Variants in OPRM1 observed in about 807,000 individuals in gnomAD.
OPRM1 encodes the protein mu-type opioid receptor.
A neutral mutation model predicts 31.8 loss-of-function variants in OPRM1; 27 were observed. The observed-to-expected ratio is 0.85, with a 90% CI of 0.63 to 1.17. The LOEUF is 1.17. Among genes scored for constraint, OPRM1 ranks in the 50% most tolerant of loss-of-function variants. The probability of loss-of-function intolerance (pLI) is 0.00; values close to 1 mark genes in which losing one functional copy is unlikely to be tolerated. For synonymous variants in OPRM1, 196 were observed against 189.9 expected (o/e 1.03, Z -0.26); for missense variants, 536 against 511.1 (o/e 1.05, Z -0.47).
intron 1 of OPRM1, among the ~76,000 whole-genome samples, chr6:154,054,484 A>T (rs1339751150): frequency 1.3e-5 from 2 of 152,044 alleles, no homozygotes; most frequent in African/African-American, 4.8e-5. Context: ...TCTACCATGC[A>T]GCCAAGATCA....
intron 3 of OPRM1, chr6:154,157,728 C>T (rs981762761): frequency 6.6e-6 from 1 of 152,234 alleles, no homozygotes; most frequent in Non-Finnish European, 1.5e-5. Flanking sequence ...CACTTTATGT[C>T]ACACTGTTAT....
rs1021061437 is a variant in OPRM1, at chr6:154,091,431, C to T, written c.1123C>T (p.His375Tyr). ...STRIRQNTRD[H>Y]PSTANTVDRT... ...TCGAATTCGTCAGAACACTAGAGAC[C>T]ACCCCTCCACGGCCAATACAGTGGA... The change falls in exon 3 of 4, where the codon CAC (histidine) becomes TAC (tyrosine). Residue 375 changes from histidine (H) to tyrosine (Y), a missense_variant. Transcript: ENST00000330432. 6 of 1,613,580 alleles carry T rather than the reference C, an allele frequency of 3.7e-6. No individual in the cohort carries two copies. Among genetic ancestry groups the T allele is most frequent in the Non-Finnish European group, 5.1e-6 (6 of 1,180,030 alleles).
intron 3 of OPRM1, among the ~76,000 whole-genome samples, chr6:154,152,390 A>AAGAAAGAAAGAG (rs1360734115): frequency 1.9e-4 from 24 of 126,286 alleles, no homozygotes; most frequent in African/African-American, 3.7e-4. Context: ...GAAAGAAAGA[A>AAGAAAGAAAGAG]AGAGAAATAG....
At chr6:154,198,130 T>A (rs1776771383) in intron 3 of OPRM1, among the ~76,000 whole-genome samples, 1 of 152,186 alleles carries the variant, frequency 6.6e-6, no homozygotes, top group African/African-American at 2.4e-5. Flanking sequence ...AGGAATGCAT[T>A]CCTTTCCAAG....
chr6:154,018,328 G>A (rs146220773), intron 1 of OPRM1, among the ~76,000 whole-genome samples: 2,347 of 152,188 alleles, frequency 0.015, 75 homozygotes, highest in African/African-American at 0.053. Context: ...GCTGAGGAAC[G>A]AGAATCACTT....
At chr6:154,039,237 C>T, upstream of OPRM1, 2 of 1,551,758 alleles carry the variant, frequency 1.3e-6, no homozygotes, top group African/African-American at 1.4e-5. Context: ...CCCCTTTTCC[C>T]TCCTCCCTCC....
At chr6:154,083,612 A>T (rs1411297585) in intron 1 of OPRM1, 1 of 152,392 alleles carries the variant, frequency 6.6e-6, no homozygotes. Flanking sequence ...CAAAAGAGCG[A>T]GAGGATGTGG....
Position 154,127,642 on chromosome 6 carries a change from A to G in OPRM1, c.*8921A>G, listed in dbSNP as rs1048059901. On this transcript the variant is annotated 3_prime_UTR_variant, in exon 4 of 4. Coordinates refer to ENST00000330432, the MANE Select transcript of OPRM1 (RefSeq NM_000914.5). ...TCCCCACCCCTCGCTTTCACTAAAT[A>G]ACAACTCTCTTCTCTCCATCATTTT... is the stretch of plus-strand genomic sequence containing the variant. Among the ~76,000 whole-genome samples the G allele has an allele frequency of 6.6e-6, 1 of 152,126 alleles. No homozygotes were observed. The highest frequency in any genetic ancestry group is 2.4e-5 in the African/African-American group (1 of 41,434).
At chr6:154,132,805 C>T (rs1019440254), downstream of OPRM1, among the ~76,000 whole-genome samples, 1 of 152,132 alleles carries the variant, frequency 6.6e-6, no homozygotes, top group Non-Finnish European at 1.5e-5. Context: ...GTGGAAACGT[C>T]TCAACATGAA....
intron 3 of OPRM1, among the ~76,000 whole-genome samples, chr6:154,113,058 C>T (rs1051300883): frequency 2.0e-5 from 3 of 152,322 alleles, no homozygotes; most frequent in Non-Finnish European, 4.4e-5. Context: ...CCAAACAAAA[C>T]AGGAACAGTT....
intron 1 of OPRM1, among the ~76,000 whole-genome samples, chr6:154,026,249 G>A (rs1583142156): frequency 6.6e-6 from 1 of 151,662 alleles, no homozygotes; most frequent in East Asian, 1.9e-4. Context: ...CTTTAAATAT[G>A]TCATGCCACT....
intron 3 of OPRM1, among the ~76,000 whole-genome samples, chr6:154,178,138 G>A (rs1231862651): frequency 1.3e-5 from 2 of 151,374 alleles, no homozygotes; most frequent in Non-Finnish European, 2.9e-5. Flanking sequence ...GGGGCCTGTT[G>A]GTGGGTGGGG....
intron 3 of OPRM1, among the ~76,000 whole-genome samples, chr6:154,223,913 T>A (rs1779056616): frequency 6.6e-6 from 1 of 152,228 alleles, no homozygotes; most frequent in African/African-American, 2.4e-5. Flanking sequence ...ATAAGAAAAT[T>A]ATATTTATGA....
chr6:154,021,584 CA>C (rs1254696679), intron 1 of OPRM1, among the ~76,000 whole-genome samples: 2 of 152,066 alleles, frequency 1.3e-5, no homozygotes, highest in African/African-American at 4.8e-5. Flanking sequence ...TCTTCTTATC[CA>C]AAAACATGGA....
chr6:154,174,905 T>C (rs1800187742), intron 3 of OPRM1, among the ~76,000 whole-genome samples: 1 of 152,144 alleles, frequency 6.6e-6, no homozygotes, highest in Non-Finnish European at 1.5e-5. Flanking sequence ...ATTCTAAAGT[T>C]GACCAAATAA....
At chr6:154,025,045 T>C (rs748467874) in intron 1 of OPRM1, among the ~76,000 whole-genome samples, 4 of 152,118 alleles carry the variant, frequency 2.6e-5, no homozygotes, top group Admixed American at 6.5e-5. Flanking sequence ...ATTTGGTCTA[T>C]AGTACAGATT....
chr6:154,149,924 C>A, intron 3 of OPRM1, among the ~76,000 whole-genome samples: 1 of 152,174 alleles, frequency 6.6e-6, no homozygotes, highest in East Asian at 1.9e-4. Flanking sequence ...CTGACAGCTC[C>A]CACCTCCACA....
chr6:154,100,877 A>C (rs1246948681), intron 3 of OPRM1, among the ~76,000 whole-genome samples: 4 of 148,710 alleles, frequency 2.7e-5, no homozygotes, highest in African/African-American at 4.9e-5. Context: ...GAGATTTTAT[A>C]AATATAAATA....
At chr6:154,195,361 A>C (rs565535170) in intron 3 of OPRM1, among the ~76,000 whole-genome samples, 1 of 151,826 alleles carries the variant, frequency 6.6e-6, no homozygotes, top group African/African-American at 2.4e-5. Flanking sequence ...GTTAGCCAGG[A>C]TGGTCTCGAT....
Sources: gnomAD v4.1 joint callset for allele counts (sites outside exome capture counted in the v4.1 genomes callset) on GRCh38, gnomAD v4.1.1 for gene constraint, MANE v1.5 for transcripts, NCBI Gene and HGNC (gene_info 2026-07-23, HGNC 2026-07-21) for gene names.